The following GRIA2 variants were observed in gnomAD, a reference collection of about 807,000 sequenced individuals.
The protein encoded by GRIA2 is glutamate ionotropic receptor AMPA type subunit 2, also known as glutamate receptor 2.
Under a neutral mutation model 97.3 loss-of-function variants are expected in GRIA2, and 14 were observed. The observed-to-expected ratio is 0.14, with a 90% CI of 0.10 to 0.23. GRIA2 has a LOEUF of 0.23. Among genes scored for constraint, GRIA2 ranks in the 10% least tolerant of loss-of-function variants. The pLI is 1.00. For missense variants in GRIA2, 558 were observed against 1,069.8 expected (o/e 0.52, Z 6.67); for synonymous variants, 412 against 387.8 (o/e 1.06, Z -0.73).
intron 2 of GRIA2, among the ~76,000 whole-genome samples, chr4:157,224,734 A>G (rs929091425): frequency 6.6e-6 from 1 of 152,070 alleles, no homozygotes; most frequent in Non-Finnish European, 1.5e-5. Context: ...TTTTTCTCCA[A>G]TGCCTATCCT....
chr4:157,317,629 TTAAA>T (rs1489005894), intron 4 of GRIA2, 25 bp from the exon 5 acceptor site: 3 of 822,300 alleles, frequency 3.6e-6, no homozygotes, highest in Non-Finnish European at 6.1e-6. Flanking sequence ...TTTGTATTAA[TTAAA>T]TAATTACTTA....
rs1736823450 is a variant in GRIA2, at chr4:157,365,032, C to T, written c.*1601C>T. The T allele has an allele frequency of 1.3e-5, 2 of 151,630 alleles. No individual in the cohort carries two copies. 9.4% of individuals were successfully genotyped at this position (151,630 alleles called of 1,614,324 possible). On this transcript the variant is annotated 3_prime_UTR_variant, in exon 16 of 16. Coordinates refer to ENST00000264426, the MANE Select transcript of GRIA2 (RefSeq NM_001083619.3). Reference sequence around the variant, plus strand: ...ATTTAGGATTTTGAATGATTATTGACATCCAATAGTTATTTTTAATATTTG... The same window carrying T: ...ATTTAGGATTTTGAATGATTATTGATATCCAATAGTTATTTTTAATATTTG...
chr4:157,220,424 G>T, upstream of GRIA2: 1 of 152,178 alleles, frequency 6.6e-6, no homozygotes, highest in East Asian at 1.9e-4. Context: ...GAGGCGCGCG[G>T]TGGGCGCGAC....
chr4:157,359,200 A>C (rs1736527987), intron 12 of GRIA2, among the ~76,000 whole-genome samples: 1 of 152,178 alleles, frequency 6.6e-6, no homozygotes, highest in African/African-American at 2.4e-5. Flanking sequence ...TTAATAATAC[A>C]GTTTCAATTA....
At chr4:157,296,043 T>C (rs1435520278) in intron 2 of GRIA2, among the ~76,000 whole-genome samples, 9 of 152,182 alleles carry the variant, frequency 5.9e-5, no homozygotes, top group Non-Finnish European at 5.9e-5. Context: ...TCATTTCATT[T>C]AGGTTTTCAA....
chr4:157,223,189 T>C (rs1249821401), intron 2 of GRIA2, among the ~76,000 whole-genome samples: 2 of 152,138 alleles, frequency 1.3e-5, no homozygotes, highest in African/African-American at 4.8e-5. Context: ...GATTATCATA[T>C]TGGGCCCATC....
chr4:157,306,482 G>A (rs952566704), intron 3 of GRIA2, among the ~76,000 whole-genome samples: 12 of 152,250 alleles, frequency 7.9e-5, no homozygotes, highest in Admixed American at 5.2e-4. Context: ...CATCTGTTGA[G>A]ATAAAAATGT....
At chr4:157,262,608 T>C (rs560808937) in intron 2 of GRIA2, among the ~76,000 whole-genome samples, 1 of 152,178 alleles carries the variant, frequency 6.6e-6, no homozygotes, top group Admixed American at 6.6e-5. Context: ...TTGCCCCCAA[T>C]TTCAACCCAG....
intron 12 of GRIA2, among the ~76,000 whole-genome samples, chr4:157,348,632 T>C (rs1016331221): frequency 6.6e-6 from 1 of 152,218 alleles, no homozygotes; most frequent in African/African-American, 2.4e-5. Context: ...TCATCGTGTC[T>C]TTAAAGGAAC....
In GRIA2 at chr4:157,364,165, C is replaced by A. The variant is rs1355873784; in HGVS notation, c.*734C>A. ...AAGGAAAGTAAACAAAGAGGAGATT[C>A]CAATCTTGTAATTTAATATTGTTAT... is the stretch of plus-strand genomic sequence containing the variant. On this transcript the variant is annotated 3_prime_UTR_variant, in exon 16 of 16. Transcript: ENST00000264426. The A allele has an allele frequency of 6.6e-6, 1 of 152,320 alleles. No individual in the cohort carries two copies. The highest frequency in any genetic ancestry group is 1.5e-5 in the Non-Finnish European group (1 of 67,962). The allele number at this position is 152,320 out of a possible 1,614,324, so 9.4% of individuals were successfully genotyped here.
intron 2 of GRIA2, among the ~76,000 whole-genome samples, chr4:157,222,793 T>TA (rs1729564053): frequency 6.6e-6 from 1 of 152,190 alleles, no homozygotes; most frequent in South Asian, 2.1e-4. Context: ...TGGGTTCAGA[T>TA]AAAGTACTAG....
At chr4:157,327,792 A>G (rs1305130232) in intron 6 of GRIA2, among the ~76,000 whole-genome samples, 1 of 152,140 alleles carries the variant, frequency 6.6e-6, no homozygotes, top group Non-Finnish European at 1.5e-5. Context: ...CTTCACACGC[A>G]GACTCAAACT....
chr4:157,341,051 A>G (rs904185951), intron 11 of GRIA2, among the ~76,000 whole-genome samples: 1 of 152,020 alleles, frequency 6.6e-6, no homozygotes, highest in African/African-American at 2.4e-5. Flanking sequence ...AGAAATCAGA[A>G]GTTTTGACCT....
chr4:157,336,798 A>G (rs1735306984), intron 11 of GRIA2, 51 bp downstream of exon 11: 2 of 1,549,824 alleles, frequency 1.3e-6, no homozygotes, highest in Non-Finnish European at 8.8e-7. Flanking sequence ...TCAAGTGGAC[A>G]TTCATGGTGT....
At chr4:157,360,785 A>G (rs1216706469) in intron 13 of GRIA2, 2 of 599,780 alleles carry the variant, frequency 3.3e-6, no homozygotes, top group Non-Finnish European at 3.1e-6. Context: ...AACTCCCCAT[A>G]TTAGCACTCT....
At position 157,321,495 on chromosome 4, in the gene GRIA2, T is replaced by C. The variant is rs1734563539; in HGVS notation, c.778T>C (p.Phe260Leu). Reference protein sequence around the residue: ...IQFGGANVSGFQIVDYDDSLV... With the variant: ...IQFGGANVSGLQIVDYDDSLV... ...GTTTGGAGGTGCAAATGTCTCTGGA[T>C]TTCAGATAGTGGACTATGATGATTC... Residue 260 changes from phenylalanine (F) to leucine (L), a missense_variant, in exon 6 of 16, where the codon TTT becomes CTT. Coordinates refer to ENST00000264426, the MANE Select transcript of GRIA2 (RefSeq NM_001083619.3). 2 of 1,609,188 alleles carry C rather than the reference T, an allele frequency of 1.2e-6. No homozygotes were observed. Among genetic ancestry groups the C allele is most frequent in the Non-Finnish European group, 1.7e-6 (2 of 1,175,718 alleles).
intron 2 of GRIA2, among the ~76,000 whole-genome samples, chr4:157,295,479 A>C (rs1262310213): frequency 1.3e-5 from 2 of 152,212 alleles, no homozygotes; most frequent in East Asian, 3.9e-4. Flanking sequence ...TTGGTGTTTC[A>C]TTCAGTAGCT....
chr4:157,348,187 C>CAGTAA (rs1407195467), intron 12 of GRIA2, among the ~76,000 whole-genome samples: 4 of 152,056 alleles, frequency 2.6e-5, no homozygotes, highest in Admixed American at 2.6e-4. Context: ...TGCTCTGACT[C>CAGTAA]CTACTAAGTG....
chr4:157,230,639 T>C (rs891111962), intron 2 of GRIA2, among the ~76,000 whole-genome samples: 7 of 146,586 alleles, frequency 4.8e-5, no homozygotes, highest in Non-Finnish European at 1.0e-4. Flanking sequence ...CCTTTCTTCC[T>C]TTTTTTTGTT....
Sources: allele counts gnomAD v4.1 joint callset (sites outside exome capture counted in the v4.1 genomes callset), GRCh38; gene constraint gnomAD v4.1.1; transcripts MANE v1.5; gene names NCBI Gene and HGNC (gene_info 2026-07-23, HGNC 2026-07-21).